Variants in HUNK observed in about 807,000 individuals in gnomAD.
HUNK encodes the protein hormonally up-regulated neu tumor-associated kinase.
A neutral mutation model predicts 61.0 loss-of-function variants in HUNK; 21 were observed. That is an observed-to-expected ratio of 0.34 (90% confidence interval 0.24 to 0.50). The LOEUF (loss-of-function observed/expected upper bound fraction) is 0.50, where lower values mean the gene tolerates loss of function less well. Among genes scored for constraint, HUNK ranks in the 20% least tolerant of loss-of-function variants. HUNK has a pLI of 0.98. For missense variants in HUNK, 772 were observed against 945.7 expected (o/e 0.82, Z 2.41); for synonymous variants, 371 against 386.1 (o/e 0.96, Z 0.46).
chr21:31,887,187 A>T (rs1468942333), intron 1 of HUNK, among the ~76,000 whole-genome samples: 2 of 152,166 alleles, frequency 1.3e-5, no homozygotes, highest in Non-Finnish European at 2.9e-5. Context: ...TTAGGCACCT[A>T]GGTATCTGAG....
At chr21:31,915,559 A>G (rs777323028) in intron 1 of HUNK, among the ~76,000 whole-genome samples, 1 of 152,168 alleles carries the variant, frequency 6.6e-6, no homozygotes, top group Non-Finnish European at 1.5e-5. Context: ...TTTGATCAGT[A>G]TATTTTTTTT....
chr21:31,986,731 A>G (rs940210687), intron 8 of HUNK, among the ~76,000 whole-genome samples: 8 of 152,024 alleles, frequency 5.3e-5, no homozygotes, highest in African/African-American at 1.5e-4. Flanking sequence ...GGCTGTGCAC[A>G]TGCTGCTCCC....
In HUNK at chr21:31,998,750, G is replaced by A. The variant is rs780570018; in HGVS notation, c.1711G>A (p.Val571Ile). Residue 571 changes from valine to isoleucine, a missense_variant, in exon 11 of 11, where the codon GTA (valine) becomes ATA (isoleucine). By Grantham distance (29) the Val-to-Ile change is conservative. Around this residue, in one of 2 missense-constraint regions of HUNK, gnomAD observed 413 missense variants for 444.4 expected, o/e 0.93. Coordinates refer to ENST00000270112, the MANE Select transcript of HUNK (RefSeq NM_014586.2). The part of the protein sequence containing the change: ...SFESVDRDDH[V>I]EVLSPSHHYR... ...CGAGTCTGTGGATCGCGACGACCAC[G>A]TAGAAGTGCTGTCTCCCTCTCATCA... The A allele has an allele frequency of 2.0e-5, 33 of 1,614,094 alleles. No homozygotes were observed. Among genetic ancestry groups the A allele is most frequent in the East Asian group, 2.2e-5 (1 of 44,854 alleles).
rs114834876 is a variant in HUNK, at chr21:31,968,470, C to G, written c.1010+85C>G. On this transcript the variant is annotated intron_variant, in intron 6 of 10. Transcript: ENST00000270112. ...GAGCAGTTCCGGACAGAAAGCTGTC[C>G]GTGATTGAAGGAAAAGCCGCGCTCT... 1.4e-3 allele frequency: 2,082 copies of G among 1,525,744 alleles called. 17 individuals carry two copies. In the African/African-American group the frequency reaches 0.024, roughly 18 times the overall value. The allele number at this position is 1,525,744 out of a possible 1,614,324, so 94.5% of individuals were successfully genotyped here.
intron 8 of HUNK, among the ~76,000 whole-genome samples, chr21:31,986,234 C>G (rs2053132146): frequency 6.6e-6 from 1 of 151,952 alleles, no homozygotes; most frequent in South Asian, 2.1e-4. Context: ...ACAGTAGCAG[C>G]CCCATCCTCC....
chr21:31,967,763 T>G (rs2052977226), intron 5 of HUNK, among the ~76,000 whole-genome samples: 1 of 152,168 alleles, frequency 6.6e-6, no homozygotes, highest in African/African-American at 2.4e-5. Context: ...CCTGTACACT[T>G]CTGGCTTCTC....
At position 31,985,116 on chromosome 21, in the gene HUNK, C is replaced by T. The variant is rs116321286; in HGVS notation, c.1257+1507C>T. Among the ~76,000 whole-genome samples the T allele has an allele frequency of 3.7e-3, 562 of 152,232 alleles. 1 individual carries two copies. Among genetic ancestry groups the T allele is most frequent in the African/African-American group, 0.013 (532 of 41,516 alleles). On this transcript the variant is annotated intron_variant, in intron 8 of 10. Coordinates refer to ENST00000270112, the MANE Select transcript of HUNK (RefSeq NM_014586.2). ...TGATTCAGTGATCTCCACCTGTCCC[C>T]GCCCTTGACACATGGGGATTATTAC... is the stretch of plus-strand genomic sequence containing the variant.
intron 8 of HUNK, among the ~76,000 whole-genome samples, chr21:31,985,508 C>T (rs941869581): frequency 6.6e-6 from 1 of 152,150 alleles, no homozygotes; most frequent in Non-Finnish European, 1.5e-5. Context: ...AGGGACTTGC[C>T]CCCGGCATAG....
intron 1 of HUNK, among the ~76,000 whole-genome samples, chr21:31,882,214 G>A (rs577038249): frequency 1.1e-4 from 17 of 152,270 alleles, no homozygotes; most frequent in African/African-American, 3.6e-4. Context: ...CATCCTCTTA[G>A]CACTCTTACG....
intron 6 of HUNK, among the ~76,000 whole-genome samples, chr21:31,971,552 A>G (rs2123851249): frequency 6.6e-6 from 1 of 152,350 alleles, no homozygotes; most frequent in South Asian, 2.1e-4. Context: ...TTTTCTTTAT[A>G]AAGTATGTTT....
At chr21:31,964,085 T>A (rs370001630) in intron 5 of HUNK, among the ~76,000 whole-genome samples, 24 of 152,194 alleles carry the variant, frequency 1.6e-4, no homozygotes, top group African/African-American at 5.8e-4. Flanking sequence ...TTTTTCAGAC[T>A]GTTACCTTTT....
At chr21:31,895,678 C>T (rs377660712) in intron 1 of HUNK, among the ~76,000 whole-genome samples, 2 of 152,192 alleles carry the variant, frequency 1.3e-5, no homozygotes, top group South Asian at 4.1e-4. Flanking sequence ...CTTAAGCAGC[C>T]TTTGAAATAG....
Position 32,003,123 on chromosome 21 carries a change from C to CAA in HUNK, c.*3939_*3940insAA, listed in dbSNP as rs1423799153. On this transcript the variant is annotated 3_prime_UTR_variant, in exon 11 of 11. Coordinates refer to ENST00000270112, the MANE Select transcript of HUNK (RefSeq NM_014586.2). Reference sequence around the variant, plus strand: ...AGAACACAGAGAAATCAGAGAGTGGCTGCCATGGTCAGAGGGGGATGTCAA... The same window carrying CAA: ...AGAACACAGAGAAATCAGAGAGTGGCAATGCCATGGTCAGAGGGGGATGTCAA... 1 of 152,310 alleles carries CAA rather than the reference C, an allele frequency of 6.6e-6. No individual in the cohort carries two copies. Among genetic ancestry groups the CAA allele is most frequent in the Non-Finnish European group, 1.5e-5 (1 of 68,122 alleles). 9.4% of individuals were successfully genotyped at this position (152,310 alleles called of 1,614,324 possible). A position where few individuals can be genotyped will look rare whatever the true frequency, so the allele number is the denominator to read the frequency against.
At chr21:31,950,899 C>T (rs765969652) in intron 4 of HUNK, among the ~76,000 whole-genome samples, 1 of 152,074 alleles carries the variant, frequency 6.6e-6, no homozygotes, top group Admixed American at 6.5e-5. Context: ...AGGCTTTGGA[C>T]CTGATGGATG....
At chr21:31,879,504 G>A (rs758251285) in intron 1 of HUNK, among the ~76,000 whole-genome samples, 11 of 152,156 alleles carry the variant, frequency 7.2e-5, no homozygotes, top group Non-Finnish European at 1.3e-4. Flanking sequence ...CAGGTCCCAC[G>A]GACTTCAAAG....
At chr21:31,892,877 G>C (rs2052401102) in intron 1 of HUNK, among the ~76,000 whole-genome samples, 1 of 152,102 alleles carries the variant, frequency 6.6e-6, no homozygotes, top group Admixed American at 6.6e-5. Flanking sequence ...CTCTGCCGCA[G>C]ACCTCCCTTT....
At chr21:31,980,317 G>A (rs935794638) in intron 7 of HUNK, among the ~76,000 whole-genome samples, 6 of 150,854 alleles carry the variant, frequency 4.0e-5, no homozygotes, top group South Asian at 2.1e-4. Flanking sequence ...TGGTCTGCCC[G>A]CATCGGCCTC....
Position 31,873,478 on chromosome 21 carries a change from C to A in HUNK, c.-197C>A. ...GGTCCCCGGTCCCGCGTCCCCTGGG[C>A]AGCCGCTATTGTCTACGCGCCTCGC... is the stretch of plus-strand genomic sequence containing the variant. On this transcript the variant is annotated 5_prime_UTR_variant, in exon 1 of 11. Transcript: ENST00000270112. This position sits in a 1 kb window ranked among gnomAD's most constrained non-coding sequence, Gnocchi z 6.1. 4.2e-6 allele frequency: 1 copy of A among 235,550 alleles called. No individual in the cohort carries two copies. The highest frequency in any genetic ancestry group is 6.9e-6 in the Non-Finnish European group (1 of 144,540). The allele number at this position is 235,550 out of a possible 1,614,324, so 14.6% of individuals were successfully genotyped here.
At chr21:31,954,726 G>GT (rs1266440219) in intron 4 of HUNK, among the ~76,000 whole-genome samples, 1 of 152,184 alleles carries the variant, frequency 6.6e-6, no homozygotes, top group Admixed American at 6.5e-5. Flanking sequence ...ACACTGCAGA[G>GT]TTTCTGATTC....
Sources: allele counts gnomAD v4.1 joint callset (sites outside exome capture counted in the v4.1 genomes callset), GRCh38; gene constraint gnomAD v4.1.1; regional missense constraint gnomAD v4.1.1; non-coding constraint Gnocchi (gnomAD v3.1); transcripts MANE v1.5; gene names NCBI Gene and HGNC (gene_info 2026-07-23, HGNC 2026-07-21).